The following CEBPZ variants were observed in gnomAD, a reference collection of about 807,000 sequenced individuals.
CEBPZ encodes CCAAT/enhancer-binding protein zeta.
Under a neutral mutation model 104.5 loss-of-function variants are expected in CEBPZ, and 78 were observed. The ratio of observed to expected loss-of-function variants is 0.75; its 90% CI spans 0.62 to 0.90. The LOEUF (loss-of-function observed/expected upper bound fraction) is 0.90. CEBPZ is among the 40% of genes least tolerant of loss of function. CEBPZ has a pLI of 0.00. For synonymous variants in CEBPZ, 470 were observed against 427.0 expected (o/e 1.10, Z -1.24); for missense variants, 1,439 against 1,233.5 (o/e 1.17, Z -2.50).
At chr2:37,211,633 T>C in intron 12 of CEBPZ, 1 of 480,876 alleles carries the variant, frequency 2.1e-6, no homozygotes, top group Non-Finnish European at 3.6e-6. Flanking sequence ...AGTCCAAAGC[T>C]CAAAAAGCTG....
Position 37,227,776 on chromosome 2 carries a change from C to T in CEBPZ, c.1417G>A (p.Val473Ile), listed in dbSNP as rs777114304. ...TVYFCFFRTCVKKKDVESKML... is the reference protein window; with the variant it reads ...TVYFCFFRTCIKKKDVESKML... Reference sequence around the variant, plus strand: ...TTTGATTCAACATCTTTTTTTTTGACACAAGTCCGAAAAAAGCAAAAGTAA... The same window carrying T: ...TTTGATTCAACATCTTTTTTTTTGATACAAGTCCGAAAAAAGCAAAAGTAA... The change falls in exon 2 of 16, where the codon GTC becomes ATC. Residue 473 changes from valine (V) to isoleucine (I), a missense_variant. Val to Ile is a conservative substitution (Grantham distance 29). Coordinates refer to ENST00000234170, the MANE Select transcript of CEBPZ (RefSeq NM_005760.3). 4.3e-6 allele frequency: 7 copies of T among 1,613,118 alleles called. No individual in the cohort carries two copies. The Admixed American group carries it at 5.0e-5, about 12-fold the overall frequency.
rs1558470868 is a variant in CEBPZ, at chr2:37,212,004, T to C, written c.2639A>G (p.Asn880Ser). 6.2e-7 allele frequency: 1 copy of C among 1,603,748 alleles called. No homozygotes were observed. The highest frequency in any genetic ancestry group is 1.1e-5 in the South Asian group (1 of 88,754). ...ACCTTCTGAATCTTCATCTAATGTG[T>C]TATCCTTAGCTCCTTTTGTTCTCTT... ...VKKRTKGAKDNTLDEDSEGSD... is the reference protein window; with the variant it reads ...VKKRTKGAKDSTLDEDSEGSD... Residue 880 changes from asparagine (N) to serine (S), a missense_variant, in exon 12 of 16, where the codon AAC becomes AGC. Physicochemically the swap from Asn to Ser is conservative, Grantham distance 46 (BLOSUM62 1). Transcript: ENST00000234170.
At chr2:37,212,571 C>A (rs546421852) in intron 10 of CEBPZ, 179 bp from the exon 11 acceptor site, 1 of 561,744 alleles carries the variant, frequency 1.8e-6, no homozygotes, top group South Asian at 2.5e-5. Flanking sequence ...CTGTGAAATA[C>A]TGATCTTAGT....
intron 13 of CEBPZ, chr2:37,210,734 C>T: frequency 3.0e-6 from 1 of 338,936 alleles, no homozygotes; most frequent in Non-Finnish European, 5.4e-6. Flanking sequence ...CCTATGTAAC[C>T]AAACACCCTA....
At chr2:37,227,387 AT>A (rs1664912438) in intron 2 of CEBPZ, among the ~76,000 whole-genome samples, 156 bp downstream of exon 2, 2 of 152,240 alleles carry the variant, frequency 1.3e-5, no homozygotes, top group African/African-American at 4.8e-5. Context: ...GGAAACAAAG[AT>A]TAAGTGACTT....
chr2:37,211,122 C>T (rs1359987311), intron 12 of CEBPZ, 40 bp from the exon 13 acceptor site: 19 of 1,344,380 alleles, frequency 1.4e-5, no homozygotes, highest in Non-Finnish European at 1.8e-5. Context: ...AATTTAAAAA[C>T]AATAAGACTG....
intron 2 of CEBPZ, among the ~76,000 whole-genome samples, chr2:37,224,251 G>T (rs1049932162): frequency 6.6e-6 from 1 of 152,124 alleles, no homozygotes; most frequent in Non-Finnish European, 1.5e-5. Flanking sequence ...GCTCTACTTT[G>T]ATCTCATGAT....
chr2:37,220,601 T>C (rs1009376570), intron 4 of CEBPZ, 128 bp from the exon 5 acceptor site: 1 of 443,770 alleles, frequency 2.3e-6, no homozygotes, highest in South Asian at 4.5e-5. Context: ...GCAACCTAGA[T>C]TAAAAACTCT....
intron 13 of CEBPZ, chr2:37,209,354 G>A (rs1445248282): frequency 6.6e-6 from 1 of 152,066 alleles, no homozygotes; most frequent in Admixed American, 6.6e-5. Context: ...TAAACAAAAA[G>A]AACAAATCTA....
chr2:37,206,826 A>G lies in CEBPZ; in HGVS notation c.2885-3818T>C, dbSNP rs191048152. Among the ~76,000 whole-genome samples the G allele has an allele frequency of 4.6e-5, 7 of 152,358 alleles. No homozygotes were observed. In the East Asian group the frequency reaches 1.3e-3, roughly 29 times the overall value. ...AATAGTACCTCACATCTCAAATACT[A>G]CGTTGGATGTAAATGGCCTAAATGC... On this transcript the variant is annotated intron_variant, in intron 13 of 15. Transcript: ENST00000234170.
rs760699087 is a variant in CEBPZ, at chr2:37,214,895, A to G, written c.2438T>C (p.Phe813Ser). The G allele has an allele frequency of 6.2e-7, 1 of 1,607,594 alleles. No individual in the cohort carries two copies. The highest frequency in any genetic ancestry group is 1.1e-5 in the South Asian group (1 of 90,900). ...EESQIPVDEVFFHRYYKKVAV... is the reference protein window; with the variant it reads ...EESQIPVDEVSFHRYYKKVAV... ...ATATTATGTATAGTACCTGTGGAAAAACACTTCATCCACTGGTATTTGGCT... is the reference window on the plus strand; with the variant it reads ...ATATTATGTATAGTACCTGTGGAAAGACACTTCATCCACTGGTATTTGGCT... The change falls in exon 9 of 16, where the codon TTT (phenylalanine) becomes TCT (serine). Residue 813 changes from phenylalanine (F) to serine (S), a missense_variant. By Grantham distance (155) the Phe-to-Ser change is radical. Coordinates refer to ENST00000234170, the MANE Select transcript of CEBPZ (RefSeq NM_005760.3).
intron 1 of CEBPZ, among the ~76,000 whole-genome samples, chr2:37,230,862 C>T (rs973671435): frequency 1.3e-5 from 2 of 152,166 alleles, no homozygotes; most frequent in African/African-American, 4.8e-5. Context: ...ATGTGTTTGT[C>T]GATCATCTCA....
At chr2:37,205,840 T>G (rs1677519517) in intron 13 of CEBPZ, among the ~76,000 whole-genome samples, 1 of 152,174 alleles carries the variant, frequency 6.6e-6, no homozygotes, top group South Asian at 2.1e-4. Context: ...AGCAGAATCT[T>G]GTAAGATAAT....
rs893175851 is a variant in CEBPZ at position 37,212,319 on chromosome 2, G to A, written c.2603+16C>T. 1 of 1,607,244 alleles carries A rather than the reference G, an allele frequency of 6.2e-7. No individual in the cohort carries two copies. On this transcript the variant is annotated intron_variant, in intron 11 of 15. Transcript: ENST00000234170. Reference sequence around the variant, plus strand: ...AATGCTAGAAAAATAGGAAGGAGAAGATAGAAGTATGTTACCCAGCAAAAT... The same window carrying A: ...AATGCTAGAAAAATAGGAAGGAGAAAATAGAAGTATGTTACCCAGCAAAAT...
At position 37,216,040 on chromosome 2, in the gene CEBPZ, C is replaced by A. The variant is rs192428203; in HGVS notation, c.2380+100G>T. ...AAAGATGGATAATGTCTTTGATGCT[C>A]AGGTTTTATTCTGATAAATTAGAAC... On this transcript the variant is annotated intron_variant, in intron 8 of 15. Coordinates refer to ENST00000234170, the MANE Select transcript of CEBPZ (RefSeq NM_005760.3). 1.2e-4 allele frequency: 101 copies of A among 820,810 alleles called. No homozygotes were observed. In the African/African-American group the frequency reaches 1.7e-3, roughly 13 times the overall value. The allele number at this position is 820,810 out of a possible 1,614,324, so 50.8% of individuals were successfully genotyped here. A position where few individuals can be genotyped will look rare whatever the true frequency, so the allele number is the denominator to read the frequency against.
Position 37,223,907 on chromosome 2 carries a change from T to C in CEBPZ, c.1650-506A>G, listed in dbSNP as rs1296043297. On this transcript the variant is annotated intron_variant, in intron 2 of 15. Coordinates refer to ENST00000234170, the MANE Select transcript of CEBPZ (RefSeq NM_005760.3). Reference sequence around the variant, plus strand: ...TCTAAGGACTTCAGAGAATCTCTAGTCCAATGTACTAGCTGTGTAACATTC... The same window carrying C: ...TCTAAGGACTTCAGAGAATCTCTAGCCCAATGTACTAGCTGTGTAACATTC... Among the ~76,000 whole-genome samples the C allele has an allele frequency of 2.0e-5, 3 of 152,314 alleles. No homozygotes were observed. In the South Asian group the frequency reaches 6.2e-4, roughly 32 times the overall value.
intron 12 of CEBPZ, 105 bp downstream of exon 12, chr2:37,211,738 T>G: frequency 1.3e-6 from 1 of 774,454 alleles, no homozygotes; most frequent in Non-Finnish European, 2.0e-6. Context: ...ACATGAGTAT[T>G]AATTTGAATA....
Position 37,222,561 on chromosome 2 carries a change from C to T in CEBPZ, c.1884G>A (p.Glu628=). ...CAATAAAATTTTCTTCATCATCAGA[C>T]TCCTAACAAAAGTATAGTTTCATAA... ...GLRSQLDDHP[E]SDDEENFIDA... The change falls in exon 4 of 16, where the codon GAG becomes GAA. Residue 628 remains glutamate (E), a splice_region_variant and synonymous_variant. Coordinates refer to ENST00000234170, the MANE Select transcript of CEBPZ (RefSeq NM_005760.3). 1 of 1,578,962 alleles carries T rather than the reference C, an allele frequency of 6.3e-7. No individual in the cohort carries two copies.
rs1677476255 is a variant in CEBPZ at position 37,204,834 on chromosome 2, C to T, written c.2885-1826G>A. On this transcript the variant is annotated intron_variant, in intron 13 of 15. Coordinates refer to ENST00000234170, the MANE Select transcript of CEBPZ (RefSeq NM_005760.3). Reference sequence around the variant, plus strand: ...AATTGAGATCTGAAATCCTTTCAGGCTAATGTCTTCTGAAACAGTACTTTA... The same window carrying T: ...AATTGAGATCTGAAATCCTTTCAGGTTAATGTCTTCTGAAACAGTACTTTA... The T allele has an allele frequency of 2.0e-5, 3 of 152,280 alleles. No homozygotes were observed. In the East Asian group the frequency reaches 5.8e-4, roughly 29 times the overall value. 9.4% of individuals were successfully genotyped at this position (152,280 alleles called of 1,614,324 possible). A position where few individuals can be genotyped will look rare whatever the true frequency, so the allele number is the denominator to read the frequency against.
Sources: allele counts gnomAD v4.1 joint callset (sites outside exome capture counted in the v4.1 genomes callset), GRCh38; gene constraint gnomAD v4.1.1; transcripts MANE v1.5; gene names NCBI Gene and HGNC (gene_info 2026-07-23, HGNC 2026-07-21).